AFF2: variants seen among roughly 807,000 people sequenced by gnomAD.
AFF2 encodes AF4/FMR2 family member 2.
In AFF2, 14 loss-of-function variants were observed where a neutral mutation model predicts 76.9. The ratio of observed to expected loss-of-function variants is 0.18; its 90% CI spans 0.12 to 0.28. The LOEUF (loss-of-function observed/expected upper bound fraction) is 0.28. Ranked by LOEUF, AFF2 falls within the 10% of genes least tolerant of loss-of-function variation. The pLI is 1.00. For synonymous variants in AFF2, 398 were observed against 366.7 expected, an observed-to-expected ratio of 1.09 and a Z score of -0.98; for missense variants, 868 against 1,001.1, an observed-to-expected ratio of 0.87 and a Z score of 1.79.
At chrX:148,762,694 C>G (rs1557267420) in intron 3 of AFF2, among the ~76,000 whole-genome samples, 1 of 110,190 alleles carries the variant, frequency 9.1e-6, no homozygotes, top group African/African-American at 3.3e-5. Context: ...TTTCGTGTAC[C>G]CCATGCATCT....
At chrX:148,744,025 A>G (rs1603292898) in intron 3 of AFF2, among the ~76,000 whole-genome samples, 1 of 111,507 alleles carries the variant, frequency 9.0e-6, no homozygotes, top group South Asian at 3.8e-4. Context: ...GGATTTCTGT[A>G]TAGAAACAGC....
intron 9 of AFF2, among the ~76,000 whole-genome samples, chrX:148,932,511 A>T: frequency 8.9e-6 from 1 of 112,017 alleles, no homozygotes; most frequent in South Asian, 3.8e-4. Flanking sequence ...CCTGAGCCTC[A>T]GTGTCTGGGA....
chrX:148,838,375 G>A (rs1557274019), intron 5 of AFF2, among the ~76,000 whole-genome samples: 1 of 111,509 alleles, frequency 9.0e-6, no homozygotes, highest in African/African-American at 3.3e-5. Flanking sequence ...CATTTACTGA[G>A]AAGATACAGT....
chrX:148,526,722 C>T (rs1469931959), intron 1 of AFF2, among the ~76,000 whole-genome samples: 1 of 111,316 alleles, frequency 9.0e-6, no homozygotes, highest in Admixed American at 9.6e-5. Flanking sequence ...TACATGAACA[C>T]ACATCTATCT....
At chrX:148,810,033 A>T (rs1312228881) in intron 4 of AFF2, 113 bp downstream of exon 4, 3 of 746,977 alleles carry the variant, frequency 4.0e-6, no homozygotes, top group Non-Finnish European at 6.0e-6. Flanking sequence ...GGGAATCCTG[A>T]TATTCTACTT....
chrX:148,812,943 A>G (rs1190730667), intron 4 of AFF2, among the ~76,000 whole-genome samples: 1 of 111,803 alleles, frequency 8.9e-6, no homozygotes, highest in Non-Finnish European at 1.9e-5. Flanking sequence ...AAGTGCTATA[A>G]TATGCTGGAG....
rs1238733913 is a variant in AFF2, at chrX:148,891,194, AG to A, written c.1359+5211del. Among the ~76,000 whole-genome samples the A allele has an allele frequency of 2.7e-5, 3 of 111,698 alleles. No individual in the cohort carries two copies. The Admixed American group carries it at 2.9e-4, about 11-fold the overall frequency. ...TGGCTAGGGAGTGGCCTGACCCAGGAGGACAGACGTTTTGGGAGTGGGAATA... is the reference window on the plus strand; with the variant it reads ...TGGCTAGGGAGTGGCCTGACCCAGGAGACAGACGTTTTGGGAGTGGGAATA... On this transcript the variant is annotated intron_variant, in intron 8 of 20. Coordinates refer to ENST00000370460, the MANE Select transcript of AFF2 (RefSeq NM_002025.4).
intron 9 of AFF2, among the ~76,000 whole-genome samples, chrX:148,934,347 G>A (rs1434316971): frequency 2.7e-5 from 3 of 111,865 alleles, no homozygotes; most frequent in African/African-American, 6.5e-5. Flanking sequence ...ATGCAGTTTT[G>A]TTTGGCCTCC....
In AFF2 at chrX:148,835,102, G is replaced by A. The variant is rs888359749; in HGVS notation, c.1087-2545G>A. On this transcript the variant is annotated intron_variant, in intron 4 of 20. Coordinates refer to ENST00000370460, the MANE Select transcript of AFF2 (RefSeq NM_002025.4). Reference sequence around the variant, plus strand: ...TTCAAGATAATCAGATTCTGCCTCCGAGTAAATACAGAAAACCTAGGGGAA... The same window carrying A: ...TTCAAGATAATCAGATTCTGCCTCCAAGTAAATACAGAAAACCTAGGGGAA... 1.1e-4 allele frequency among the ~76,000 whole-genome samples: 12 copies of A among 111,845 alleles called. No individual in the cohort carries two copies. In the East Asian group the frequency reaches 3.4e-3, roughly 32 times the overall value.
chrX:148,624,356 T>G (rs2124422498), intron 1 of AFF2, among the ~76,000 whole-genome samples: 1 of 111,898 alleles, frequency 8.9e-6, no homozygotes, highest in Admixed American at 9.5e-5. Flanking sequence ...AAAAGCTTTC[T>G]CAGGATGTAT....
At chrX:148,842,292 T>C (rs1557274329) in intron 5 of AFF2, among the ~76,000 whole-genome samples, 1 of 112,567 alleles carries the variant, frequency 8.9e-6, no homozygotes, top group South Asian at 3.7e-4. Context: ...CATGTGCAAA[T>C]CTGGATTTCT....
Position 148,654,350 on chromosome X carries a change from G to T in AFF2, c.180+2219G>T, listed in dbSNP as rs541715590. Among the ~76,000 whole-genome samples, 31 of 111,590 alleles carry T rather than the reference G, an allele frequency of 2.8e-4. No individual in the cohort carries two copies. The South Asian group carries it at 0.011, about 41-fold the overall frequency. On this transcript the variant is annotated intron_variant, in intron 2 of 20. Coordinates refer to ENST00000370460, the MANE Select transcript of AFF2 (RefSeq NM_002025.4). ...TTGTTGATGACAATGGTCATTGTGG[G>T]ATGCCAAACTGCCAGGGGTTGGAGA...
intron 18 of AFF2, among the ~76,000 whole-genome samples, chrX:148,979,606 T>C (rs1253942895): frequency 1.8e-5 from 2 of 112,317 alleles, no homozygotes; most frequent in Non-Finnish European, 3.8e-5. Flanking sequence ...ATAAGTTCCC[T>C]GGTGATGCTT....
intron 3 of AFF2, among the ~76,000 whole-genome samples, chrX:148,673,626 A>T (rs781871208): frequency 3.6e-5 from 4 of 112,185 alleles, no homozygotes; most frequent in African/African-American, 1.3e-4. Flanking sequence ...TACTGAGTGG[A>T]CATGAATTTT....
intron 3 of AFF2, among the ~76,000 whole-genome samples, chrX:148,725,027 G>A (rs1557264124): frequency 9.0e-6 from 1 of 111,225 alleles, no homozygotes; most frequent in African/African-American, 3.3e-5. Context: ...TATAGGGTCA[G>A]CTGGTACCCA....
chrX:148,648,007 A>C (rs1325361515), intron 1 of AFF2, among the ~76,000 whole-genome samples: 1 of 111,882 alleles, frequency 8.9e-6, no homozygotes, highest in Non-Finnish European at 1.9e-5. Flanking sequence ...GAGGCTTTTA[A>C]TGAGCAAAAT....
chrX:148,901,616 G>T (rs1006510602), intron 8 of AFF2, among the ~76,000 whole-genome samples: 2 of 111,809 alleles, frequency 1.8e-5, no homozygotes, highest in Admixed American at 1.9e-4. Flanking sequence ...ACTTGGGATG[G>T]TCTTCTTATG....
At chrX:148,509,246 G>A (rs2052456750) in intron 1 of AFF2, among the ~76,000 whole-genome samples, 1 of 111,956 alleles carries the variant, frequency 8.9e-6, no homozygotes, top group Admixed American at 9.4e-5. Flanking sequence ...AGGCAAAACA[G>A]TCCTGGTCAA....
In AFF2 at chrX:148,682,796, G is replaced by T. The variant is rs782527432; in HGVS notation, c.1041+20028G>T. The stretch of plus-strand genomic sequence containing the variant: ...TTTTTAGCAAAAACATATTAAAAAT[G>T]TTCCTAACTTGTATTATTTGGATGT... On this transcript the variant is annotated intron_variant, in intron 3 of 20. Transcript: ENST00000370460. 1.8e-4 allele frequency among the ~76,000 whole-genome samples: 20 copies of T among 112,005 alleles called. No individual in the cohort carries two copies. In the South Asian group the frequency reaches 7.0e-3, roughly 39 times the overall value.
Sources: allele counts gnomAD v4.1 joint callset (sites outside exome capture counted in the v4.1 genomes callset), GRCh38; gene constraint gnomAD v4.1.1; transcripts MANE v1.5; gene names NCBI Gene and HGNC (gene_info 2026-07-23, HGNC 2026-07-21).